FPR3: variants seen among roughly 807,000 people sequenced by gnomAD.
The protein encoded by FPR3 is N-formyl peptide receptor 3.
For synonymous variants in FPR3, 135 were observed against 163.6 expected, an observed-to-expected ratio of 0.83 and a Z score of 1.34; for missense variants, 346 against 443.2, an observed-to-expected ratio of 0.78 and a Z score of 1.97.
chr19:51,824,795 G>A lies in FPR3; in HGVS notation c.1047G>A (p.Glu349=). ...CTGCTTCACCTCCTGAGGAGACGGA[G>A]TTACAAGCAATGTGAGGTCGGGGAT... ...TTSASPPEET[E]LQAM is the part of the protein sequence containing the mutation. Residue 349 remains glutamate, a synonymous_variant, in exon 2 of 2, where the codon GAG becomes GAA. Coordinates refer to ENST00000339223, the MANE Select transcript of FPR3 (RefSeq NM_002030.5). This position sits in a 1 kb window ranked among gnomAD's most constrained non-coding sequence, Gnocchi z 4.7. The A allele has an allele frequency of 5.0e-6, 8 of 1,610,332 alleles. No individual in the cohort carries two copies. The highest frequency in any genetic ancestry group is 5.9e-6 in the Non-Finnish European group (7 of 1,177,690).
At chr19:51,795,504 C>CCTTTTTTTTTTTTT (rs1568425575) in intron 1 of FPR3, among the ~76,000 whole-genome samples, 173 bp downstream of exon 1, 1 of 74,732 alleles carries the variant, frequency 1.3e-5, no homozygotes. Context: ...CAGTAACATT[C>CCTTTTTTTTTTTTT]TTTTTTTTTT....
intron 1 of FPR3, among the ~76,000 whole-genome samples, chr19:51,801,541 G>C (rs978256262): frequency 6.6e-6 from 1 of 152,188 alleles, no homozygotes; most frequent in Non-Finnish European, 1.5e-5. Context: ...AGCACTTTAG[G>C]AGGCCGAAGT....
chr19:51,819,497 G>GA (rs75444884), intron 1 of FPR3, among the ~76,000 whole-genome samples: 25 of 151,898 alleles, frequency 1.6e-4, no homozygotes, highest in East Asian at 3.9e-4. Context: ...TTATGATATG[G>GA]AAAAAAAATG....
At chr19:51,802,042 C>T (rs939104379) in intron 1 of FPR3, among the ~76,000 whole-genome samples, 11 of 151,946 alleles carry the variant, frequency 7.2e-5, no homozygotes, top group African/African-American at 2.2e-4. Context: ...CAAATGAGGC[C>T]CCTTAGTCCC....
chr19:51,824,661 A>T lies in FPR3; in HGVS notation c.913A>T (p.Met305Leu). Residue 305 changes from methionine to leucine, a missense_variant, in exon 2 of 2, where the codon ATG (methionine) becomes TTG (leucine). Coordinates refer to ENST00000339223, the MANE Select transcript of FPR3 (RefSeq NM_002030.5). The surrounding 1 kb of genome is among the most constrained non-coding windows in gnomAD (Gnocchi z 4.7). ...CCTCAACCCAATTCTCTACGTCTTTATGGGTCGTAACTTCCAAGAAAGACT... is the reference window on the plus strand; with the variant it reads ...CCTCAACCCAATTCTCTACGTCTTTTTGGGTCGTAACTTCCAAGAAAGACT... ...SCLNPILYVF[M>L]GRNFQERLIR... 1.2e-6 allele frequency: 2 copies of T among 1,614,088 alleles called. No individual in the cohort carries two copies. Among genetic ancestry groups the T allele is most frequent in the Non-Finnish European group, 1.7e-6 (2 of 1,180,006 alleles).
chr19:51,801,429 A>G (rs990974462), intron 1 of FPR3, among the ~76,000 whole-genome samples: 8 of 152,222 alleles, frequency 5.3e-5, no homozygotes, highest in Admixed American at 4.6e-4. Flanking sequence ...ATGTAAAAAA[A>G]GACAAAAAGG....
intron 1 of FPR3, among the ~76,000 whole-genome samples, chr19:51,808,855 T>A (rs1004699292): frequency 2.0e-5 from 3 of 152,222 alleles, no homozygotes; most frequent in African/African-American, 7.2e-5. Context: ...GTGTCCGGCA[T>A]CCCATTGTTC....
chr19:51,795,500 C>CTTTTTTT (rs1568425551), intron 1 of FPR3, among the ~76,000 whole-genome samples, 169 bp downstream of exon 1: 4 of 61,080 alleles, frequency 6.5e-5, no homozygotes, highest in Admixed American at 3.3e-4. Flanking sequence ...GTTCCAGTAA[C>CTTTTTTT]ATTCTTTTTT....
intron 1 of FPR3, among the ~76,000 whole-genome samples, chr19:51,807,458 A>C (rs2084067545): frequency 1.3e-5 from 2 of 152,178 alleles, no homozygotes; most frequent in Admixed American, 6.5e-5. Flanking sequence ...TGAGTTGGTC[A>C]CGTCCCATGG....
chr19:51,812,875 T>C (rs113880776), intron 1 of FPR3, among the ~76,000 whole-genome samples: 11,480 of 152,122 alleles, frequency 0.075, 1,134 homozygotes, highest in African/African-American at 0.23. Flanking sequence ...AATCTCAGCA[T>C]TTTGAGAGTC....
chr19:51,820,113 G>C (rs544109713), intron 1 of FPR3, among the ~76,000 whole-genome samples: 1 of 152,224 alleles, frequency 6.6e-6, no homozygotes. Context: ...CATCAGCTGA[G>C]AGTGGAATAG....
Position 51,823,698 on chromosome 19 carries a change from G to A in FPR3, c.-10-41G>A, listed in dbSNP as rs755006976. The A allele has an allele frequency of 6.4e-6, 9 of 1,416,892 alleles. No individual in the cohort carries two copies. In the South Asian group the frequency reaches 1.2e-4, roughly 19 times the overall value. The allele number at this position is 1,416,892 out of a possible 1,614,324, so 87.8% of individuals were successfully genotyped here. A position where few individuals can be genotyped will look rare whatever the true frequency, so the allele number is the denominator to read the frequency against. ...TTAATGAATAGTTGTATTGTAAGAT[G>A]GTGTCACAGCTGAGAAATGGCCATT... On this transcript the variant is annotated intron_variant, in intron 1 of 1. Transcript: ENST00000339223.
chr19:51,818,216 C>T (rs948622774), intron 1 of FPR3, among the ~76,000 whole-genome samples: 27 of 152,106 alleles, frequency 1.8e-4, no homozygotes, highest in African/African-American at 4.8e-4. Context: ...GAAAAAAGAA[C>T]GCCATGTATC....
At chr19:51,814,210 T>G (rs1180391328) in intron 1 of FPR3, among the ~76,000 whole-genome samples, 1 of 152,230 alleles carries the variant, frequency 6.6e-6, no homozygotes, top group Non-Finnish European at 1.5e-5. Flanking sequence ...CTTGTCTTCA[T>G]GGTTGTGTTG....
At chr19:51,800,333 G>A (rs1376509679) in intron 1 of FPR3, among the ~76,000 whole-genome samples, 1 of 152,196 alleles carries the variant, frequency 6.6e-6, no homozygotes, top group African/African-American at 2.4e-5. Context: ...TGAAGAGAAA[G>A]TGAGATTAAA....
intron 1 of FPR3, among the ~76,000 whole-genome samples, chr19:51,821,143 A>C (rs1339242382): frequency 6.6e-6 from 1 of 152,186 alleles, no homozygotes; most frequent in African/African-American, 2.4e-5. Context: ...GTCCAGTCTC[A>C]CTTAATCCTC....
chr19:51,824,818 G>A lies in FPR3; in HGVS notation c.*8G>A. On this transcript the variant is annotated 3_prime_UTR_variant, in exon 2 of 2. Transcript: ENST00000339223. This position sits in a 1 kb window ranked among gnomAD's most constrained non-coding sequence, Gnocchi z 4.7. Reference sequence around the variant, plus strand: ...GAGTTACAAGCAATGTGAGGTCGGGGATATTTTTGGGCTCTGTCTCTTTCT... The same window carrying A: ...GAGTTACAAGCAATGTGAGGTCGGGAATATTTTTGGGCTCTGTCTCTTTCT... 2 of 1,594,838 alleles carry A rather than the reference G, an allele frequency of 1.3e-6. No individual in the cohort carries two copies. The highest frequency in any genetic ancestry group is 1.7e-6 in the Non-Finnish European group (2 of 1,169,288).
intron 1 of FPR3, among the ~76,000 whole-genome samples, chr19:51,810,835 G>T (rs1228461030): frequency 5.3e-5 from 8 of 152,158 alleles, no homozygotes; most frequent in African/African-American, 1.9e-4. Context: ...GTGTGTTCAT[G>T]AATAACCTGC....
intron 1 of FPR3, among the ~76,000 whole-genome samples, chr19:51,820,706 T>C (rs974101842): frequency 9.9e-5 from 15 of 152,216 alleles, no homozygotes; most frequent in African/African-American, 2.9e-4. Flanking sequence ...GGGTTAACCA[T>C]ACAATTCTGT....
Sources: allele counts gnomAD v4.1 joint callset (sites outside exome capture counted in the v4.1 genomes callset), GRCh38; gene constraint gnomAD v4.1.1; non-coding constraint Gnocchi (gnomAD v3.1); transcripts MANE v1.5; gene names NCBI Gene and HGNC (gene_info 2026-07-23, HGNC 2026-07-21).